NXPH2: variants seen among roughly 807,000 people sequenced by gnomAD.
NXPH2 encodes the protein neurexophilin 2.
Under a neutral mutation model 19.8 loss-of-function variants are expected in NXPH2, and 5 were observed. The observed-to-expected ratio is 0.25, with a 90% CI of 0.13 to 0.53. The LOEUF is 0.53. Among genes scored for constraint, NXPH2 ranks in the 20% least tolerant of loss-of-function variants. The pLI is 0.96. For synonymous variants in NXPH2, 154 were observed against 127.4 expected (o/e 1.21, Z -1.41); for missense variants, 289 against 322.8 (o/e 0.90, Z 0.80).
At chr2:138,776,717 G>A (rs1255757606) in intron 1 of NXPH2, among the ~76,000 whole-genome samples, 1 of 151,060 alleles carries the variant, frequency 6.6e-6, no homozygotes, top group Non-Finnish European at 1.5e-5. Flanking sequence ...AAGGCTGTAT[G>A]AGGAAAGTTG....
chr2:138,770,812 G>A (rs866897915), intron 1 of NXPH2, among the ~76,000 whole-genome samples: 11 of 151,816 alleles, frequency 7.2e-5, no homozygotes, highest in Admixed American at 2.6e-4. Flanking sequence ...AAATTTAAAG[G>A]CTGTAAAAAA....
chr2:138,693,116 A>G (rs947510400), intron 1 of NXPH2, among the ~76,000 whole-genome samples: 3 of 152,030 alleles, frequency 2.0e-5, no homozygotes, highest in African/African-American at 4.8e-5. Flanking sequence ...GGTTTGTTCC[A>G]TGAATGTGTT....
intron 1 of NXPH2, among the ~76,000 whole-genome samples, chr2:138,692,899 C>T (rs548668767): frequency 6.6e-6 from 1 of 152,308 alleles, no homozygotes; most frequent in African/African-American, 2.4e-5. Context: ...AGTCAGTTGT[C>T]AGAATCTCAA....
At chr2:138,723,427 T>A (rs1387921498) in intron 1 of NXPH2, among the ~76,000 whole-genome samples, 1 of 152,158 alleles carries the variant, frequency 6.6e-6, no homozygotes, top group Non-Finnish European at 1.5e-5. Context: ...ATCCCTGAAA[T>A]CTAGTTCTCA....
At chr2:138,770,044 C>T (rs1168305465) in intron 1 of NXPH2, among the ~76,000 whole-genome samples, 2 of 151,910 alleles carry the variant, frequency 1.3e-5, no homozygotes, top group Non-Finnish European at 2.9e-5. Context: ...AAAAGGGATT[C>T]AATAAGGGTT....
At chr2:138,682,838 C>A (rs984734137) in intron 1 of NXPH2, among the ~76,000 whole-genome samples, 2 of 152,146 alleles carry the variant, frequency 1.3e-5, no homozygotes, top group Non-Finnish European at 2.9e-5. Flanking sequence ...ATCAGTGACA[C>A]CAACCTCTGC....
chr2:138,712,988 C>A (rs1456064444), intron 1 of NXPH2, among the ~76,000 whole-genome samples: 1 of 152,194 alleles, frequency 6.6e-6, no homozygotes, highest in African/African-American at 2.4e-5. Flanking sequence ...ATGGTCTTCA[C>A]ATGATTTTTA....
chr2:138,704,037 C>T (rs1264214900), intron 1 of NXPH2, among the ~76,000 whole-genome samples: 1 of 152,196 alleles, frequency 6.6e-6, no homozygotes, highest in Non-Finnish European at 1.5e-5. Flanking sequence ...ATTGCATTCC[C>T]TTGCCCATAC....
At chr2:138,759,446 C>T (rs977205433) in intron 1 of NXPH2, among the ~76,000 whole-genome samples, 1 of 152,036 alleles carries the variant, frequency 6.6e-6, no homozygotes, top group African/African-American at 2.4e-5. Context: ...CTTGCTCCCT[C>T]ATGTTCACAG....
intron 1 of NXPH2, among the ~76,000 whole-genome samples, chr2:138,743,860 A>C (rs953306707): frequency 9.9e-5 from 15 of 151,990 alleles, no homozygotes; most frequent in African/African-American, 3.6e-4. Context: ...AAAATTAGTC[A>C]GGCATGGTGG....
At chr2:138,676,911 TG>T (rs1417597441) in intron 1 of NXPH2, among the ~76,000 whole-genome samples, 1 of 152,244 alleles carries the variant, frequency 6.6e-6, no homozygotes, top group Admixed American at 6.5e-5. Context: ...TACTGGCATC[TG>T]AGTCACATCC....
chr2:138,715,327 TAG>T (rs1238789179), intron 1 of NXPH2, among the ~76,000 whole-genome samples: 3 of 152,220 alleles, frequency 2.0e-5, no homozygotes, highest in Admixed American at 6.5e-5. Flanking sequence ...TTATTTAGAG[TAG>T]AGTTTCTCAA....
intron 1 of NXPH2, among the ~76,000 whole-genome samples, chr2:138,768,012 T>C (rs942334479): frequency 2.0e-5 from 3 of 152,152 alleles, no homozygotes; most frequent in African/African-American, 4.8e-5. Flanking sequence ...CTTAACTTTT[T>C]ATTTTGTCAG....
intron 1 of NXPH2, among the ~76,000 whole-genome samples, chr2:138,759,194 G>C (rs562487668): frequency 3.3e-5 from 5 of 152,066 alleles, no homozygotes; most frequent in Non-Finnish European, 7.4e-5. Flanking sequence ...TTTTATTAAG[G>C]TGGCACATTT....
rs547139899 is a variant in NXPH2, at chr2:138,756,589, A to G, written c.51+23602T>C. ...TGAAAGAAAATCTCTTGCTCTTGGGAAACAATTTTTATCAATCCACAATAA... is the reference window on the plus strand; with the variant it reads ...TGAAAGAAAATCTCTTGCTCTTGGGGAACAATTTTTATCAATCCACAATAA... On this transcript the variant is annotated intron_variant, in intron 1 of 1. Transcript: ENST00000272641. 1.1e-3 allele frequency among the ~76,000 whole-genome samples: 171 copies of G among 152,252 alleles called. 1 individual carries two copies. The Middle Eastern group carries it at 0.02, about 18-fold the overall frequency.
rs770395323 is a variant in NXPH2 at position 138,670,987 on chromosome 2, G to C, written c.730C>G (p.Leu244Val). ...YIAFYSVDYK[L>V]VQKVCPDYNY... ...TAGTCAGGGCACACCTTTTGCACGA[G>C]TTTATAATCAACACTGTAAAAGGCA... Residue 244 changes from leucine (L) to valine (V), a missense_variant, in exon 2 of 2, where the codon CTC becomes GTC. Transcript: ENST00000272641. 2 of 1,613,790 alleles carry C rather than the reference G, an allele frequency of 1.2e-6. No individual in the cohort carries two copies. The highest frequency in any genetic ancestry group is 2.7e-5 in the African/African-American group (2 of 74,920).
At chr2:138,729,979 C>A (rs1441142360) in intron 1 of NXPH2, among the ~76,000 whole-genome samples, 1 of 152,018 alleles carries the variant, frequency 6.6e-6, no homozygotes, top group African/African-American at 2.4e-5. Context: ...GGTTAAAAGT[C>A]CAAGATCAAC....
chr2:138,759,337 A>G (rs1307078378), intron 1 of NXPH2, among the ~76,000 whole-genome samples: 1 of 151,202 alleles, frequency 6.6e-6, no homozygotes, highest in East Asian at 2.0e-4. Flanking sequence ...GGTGGCACAG[A>G]GGGTCCACAA....
At chr2:138,739,004 A>C (rs956061446) in intron 1 of NXPH2, among the ~76,000 whole-genome samples, 1 of 152,176 alleles carries the variant, frequency 6.6e-6, no homozygotes. Flanking sequence ...TGGGAAACAG[A>C]GTTATTTTTT....
Sources: gnomAD v4.1 joint callset for allele counts (sites outside exome capture counted in the v4.1 genomes callset) on GRCh38, gnomAD v4.1.1 for gene constraint, MANE v1.5 for transcripts, NCBI Gene and HGNC (gene_info 2026-07-23, HGNC 2026-07-21) for gene names.